Variants in NSUN2 observed in about 807,000 individuals in gnomAD.
NSUN2 encodes NOP2/Sun RNA methyltransferase 2, also known as RNA cytosine C(5)-methyltransferase NSUN2.
Under a neutral mutation model 92.7 loss-of-function variants are expected in NSUN2, and 63 were observed. The ratio of observed to expected loss-of-function variants is 0.68; its 90% CI spans 0.56 to 0.84. The LOEUF (loss-of-function observed/expected upper bound fraction) is 0.84. Among genes scored for constraint, NSUN2 ranks in the 40% least tolerant of loss-of-function variants. The pLI is 0.00. For synonymous variants in NSUN2, 356 were observed against 348.3 expected, an observed-to-expected ratio of 1.02 and a Z score of -0.25; for missense variants, 989 against 964.9, an observed-to-expected ratio of 1.02 and a Z score of -0.33.
intron 3 of NSUN2, among the ~76,000 whole-genome samples, chr5:6,626,220 G>A (rs1434634942): frequency 6.6e-6 from 1 of 152,060 alleles, no homozygotes; most frequent in Non-Finnish European, 1.5e-5. Context: ...ATTAACTTGA[G>A]CTCCTAGGCT....
chr5:6,612,614 T>C (rs1334495379), intron 9 of NSUN2, among the ~76,000 whole-genome samples: 1 of 151,954 alleles, frequency 6.6e-6, no homozygotes, highest in Admixed American at 6.6e-5. Context: ...AACATGAAAA[T>C]GGGACAATTA....
intron 11 of NSUN2, among the ~76,000 whole-genome samples, chr5:6,610,713 C>A (rs1736952859): frequency 6.6e-6 from 1 of 151,748 alleles, no homozygotes; most frequent in Non-Finnish European, 1.5e-5. Context: ...TCATGAAGTA[C>A]CCTAAGCATT....
intron 3 of NSUN2, 99 bp from the exon 4 acceptor site, chr5:6,625,768 G>C: frequency 1.3e-6 from 1 of 779,860 alleles, no homozygotes; most frequent in East Asian, 2.6e-5. Flanking sequence ...ATGAGACTTC[G>C]AATGTTGTTC....
chr5:6,631,767 T>C, intron 3 of NSUN2, 106 bp downstream of exon 3: 1 of 810,290 alleles, frequency 1.2e-6, no homozygotes, highest in South Asian at 1.7e-5. Context: ...GTTTGCAAAG[T>C]ATACCCAAGC....
chr5:6,611,045 G>T lies in NSUN2; in HGVS notation c.1136C>A (p.Ala379Asp). 1.9e-6 allele frequency: 3 copies of T among 1,614,158 alleles called. No individual in the cohort carries two copies. Among genetic ancestry groups the T allele is most frequent in the Non-Finnish European group, 2.5e-6 (3 of 1,180,044 alleles). Residue 379 changes from alanine to aspartate, a missense_variant, in exon 11 of 19, where the codon GCT (alanine) becomes GAT (aspartate). Around this residue, in one of 3 missense-constraint regions of NSUN2, gnomAD observed 626 missense variants for 602.3 expected, o/e 1.04. Coordinates refer to ENST00000264670, the MANE Select transcript of NSUN2 (RefSeq NM_017755.6). ...CTGGGTGTGTCTGCTGTGAGGAACA[G>T]CGTCCCAGTCTGTAAACCACTGCCC... is the stretch of plus-strand genomic sequence containing the variant. The part of the protein sequence containing the change: ...KDGQWFTDWD[A>D]VPHSRHTQIR...
chr5:6,632,359 T>C (rs1737953052), intron 2 of NSUN2, among the ~76,000 whole-genome samples: 1 of 152,108 alleles, frequency 6.6e-6, no homozygotes, highest in Admixed American at 6.5e-5. Flanking sequence ...CCTGGAAGAT[T>C]CCCCAGGAGC....
At chr5:6,609,050 C>T (rs994171596) in intron 12 of NSUN2, among the ~76,000 whole-genome samples, 3 of 152,180 alleles carry the variant, frequency 2.0e-5, no homozygotes, top group Non-Finnish European at 2.9e-5. Flanking sequence ...CTGCACAAAC[C>T]GTGCCCCAGA....
chr5:6,621,747 C>A (rs74325579), intron 6 of NSUN2: 210 of 246,376 alleles, frequency 8.5e-4, no homozygotes, highest in African/African-American at 1.5e-3. Flanking sequence ...GACTCCATCT[C>A]AAAAAAAAAA....
intron 9 of NSUN2, among the ~76,000 whole-genome samples, chr5:6,614,385 C>T (rs781645182): frequency 6.6e-6 from 1 of 152,132 alleles, no homozygotes; most frequent in African/African-American, 2.4e-5. Flanking sequence ...TCCTGATCAC[C>T]AGCATTCCCG....
chr5:6,613,428 T>G (rs1256515411), intron 9 of NSUN2, among the ~76,000 whole-genome samples: 2 of 152,210 alleles, frequency 1.3e-5, no homozygotes, highest in Admixed American at 6.5e-5. Flanking sequence ...CTTTGAAATC[T>G]CCTATGTGGA....
At chr5:6,609,489 CA>C (rs1270645138) in intron 12 of NSUN2, among the ~76,000 whole-genome samples, 1 of 152,214 alleles carries the variant, frequency 6.6e-6, no homozygotes, top group Non-Finnish European at 1.5e-5. Flanking sequence ...GAACCACTCA[CA>C]AGGAACTAGA....
At chr5:6,622,846 T>TGA (rs1737501789) in intron 5 of NSUN2, among the ~76,000 whole-genome samples, 1 of 47,298 alleles carries the variant, frequency 2.1e-5, no homozygotes, top group African/African-American at 6.5e-5. Context: ...AAACTCCATC[T>TGA]CAAAAAAAAA....
At position 6,604,181 on chromosome 5, in the gene NSUN2, A is replaced by G. The variant is rs764185735; in HGVS notation, c.1914T>C (p.Phe638=). ...KILLTQENPF[F]RKLSSETYSQ... ...TGTAGGTCTCACTGCTGAGTTTTCT[A>G]AAAAAGGGATTTTCCTGGGTCAACA... The change falls in exon 17 of 19, where the codon TTT becomes TTC. Residue 638 remains phenylalanine (F), a synonymous_variant. Transcript: ENST00000264670. 5 of 1,613,924 alleles carry G rather than the reference A, an allele frequency of 3.1e-6. No individual in the cohort carries two copies. Among genetic ancestry groups the G allele is most frequent in the East Asian group, 4.5e-5 (2 of 44,886 alleles).
rs10475338 is a variant in NSUN2, at chr5:6,618,073, T to C, written c.816-49A>G. On this transcript the variant is annotated intron_variant, in intron 7 of 18. Coordinates refer to ENST00000264670, the MANE Select transcript of NSUN2 (RefSeq NM_017755.6). ...GCAAAGCTCCCTACAGGTGGATGAC[T>C]GCACTTTAACAGATATGTCACATAC... 848,431 of 1,253,376 alleles carry C rather than the reference T, an allele frequency of 0.68. 290,056 individuals are homozygous for C. Among genetic ancestry groups the C allele is most frequent in the Middle Eastern group, 0.74 (3,994 of 5,386 alleles). The allele number at this position is 1,253,376 out of a possible 1,614,324, so 77.6% of individuals were successfully genotyped here.
rs1400362253 is a variant in NSUN2, at chr5:6,599,972, T to C, written c.2258A>G (p.Asp753Gly). 2 of 1,614,174 alleles carry C rather than the reference T, an allele frequency of 1.2e-6. No homozygotes were observed. Among genetic ancestry groups the C allele is most frequent in the East Asian group, 4.5e-5 (2 of 44,886 alleles). ...CGCCGGGTCACAGCCTGCTGTCACGTCTGGACTGTTGGCCTCTTCTGCATC... is the reference window on the plus strand; with the variant it reads ...CGCCGGGTCACAGCCTGCTGTCACGCCTGGACTGTTGGCCTCTTCTGCATC... Reference protein sequence around the residue: ...SPDAEEANSPDVTAGCDPAGV... With the variant: ...SPDAEEANSPGVTAGCDPAGV... Residue 753 changes from aspartate to glycine, a missense_variant, in exon 19 of 19, where the codon GAC becomes GGC. Transcript: ENST00000264670.
chr5:6,626,192 C>T (rs1039686052), intron 3 of NSUN2, among the ~76,000 whole-genome samples: 2 of 152,162 alleles, frequency 1.3e-5, no homozygotes, highest in Non-Finnish European at 2.9e-5. Flanking sequence ...AAAATCCTAC[C>T]TTGGAAACCA....
chr5:6,605,252 C>G, intron 15 of NSUN2, 21 bp downstream of exon 15: 2 of 1,613,440 alleles, frequency 1.2e-6, no homozygotes, highest in Non-Finnish European at 1.7e-6. Flanking sequence ...ACACAGCACT[C>G]AGCGTCTGTG....
chr5:6,604,001 C>T lies in NSUN2; in HGVS notation c.1957+137G>A, dbSNP rs988329384. 191 of 778,798 alleles carry T rather than the reference C, an allele frequency of 2.5e-4. 1 individual carries two copies. The highest frequency in any genetic ancestry group is 1.9e-5 in the Non-Finnish European group (9 of 482,940). 48.2% of individuals were successfully genotyped at this position (778,798 alleles called of 1,614,324 possible). On this transcript the variant is annotated intron_variant, in intron 17 of 18. Coordinates refer to ENST00000264670, the MANE Select transcript of NSUN2 (RefSeq NM_017755.6). ...AACTGTCAATCAGGGATCTACAGAA[C>T]CCTCTGGAAATTGATGTAGCCATAA...
At chr5:6,608,999 G>A (rs3822432) in intron 12 of NSUN2, among the ~76,000 whole-genome samples, 76,471 of 151,996 alleles carry the variant, frequency 0.5, 20,030 homozygotes, top group Non-Finnish European at 0.59. Flanking sequence ...AAGTGCAGTC[G>A]CCCCCTTTGC....
Sources: allele counts gnomAD v4.1 joint callset (sites outside exome capture counted in the v4.1 genomes callset), GRCh38; gene constraint gnomAD v4.1.1; regional missense constraint gnomAD v4.1.1; transcripts MANE v1.5; gene names NCBI Gene and HGNC (gene_info 2026-07-23, HGNC 2026-07-21).